IFNA17: variants seen among roughly 807,000 people sequenced by gnomAD.
The protein encoded by IFNA17 is interferon alpha 17, also known as interferon alpha-17.
For synonymous variants in IFNA17, 107 were observed against 80.5 expected, an observed-to-expected ratio of 1.33 and a Z score of -1.76; for missense variants, 285 against 212.7, an observed-to-expected ratio of 1.34 and a Z score of -2.11.
At position 21,227,634 on chromosome 9, in the gene IFNA17, G is replaced by C. The variant is rs1587917593; in HGVS notation, c.540C>G (p.Asn180Lys). The change falls in exon 1 of 1, where the codon AAC (asparagine) becomes AAG (lysine). Residue 180 changes from asparagine (N) to lysine (K), a missense_variant. Coordinates refer to ENST00000413767, the MANE Select transcript of IFNA17 (RefSeq NM_021268.2). Reference protein sequence around the residue: ...EIMRSLSFSTNLQKILRRKD With the variant: ...EIMRSLSFSTKLQKILRRKD ...CCTTCCTCCTTAATATTTTTTGCAA[G>C]TTTGTTGAAAAAGAGAGAGATCTCA... 2.5e-6 allele frequency: 4 copies of C among 1,610,536 alleles called. No homozygotes were observed. Among genetic ancestry groups the C allele is most frequent in the African/African-American group, 2.7e-5 (2 of 74,418 alleles).
chr9:21,227,656 C>G lies in IFNA17; in HGVS notation c.518G>C (p.Arg173Thr), dbSNP rs1361792411. 3 of 1,612,684 alleles carry G rather than the reference C, an allele frequency of 1.9e-6. No homozygotes were observed. Among genetic ancestry groups the G allele is most frequent in the African/African-American group, 2.7e-5 (2 of 74,740 alleles). The part of the protein sequence containing the change: ...AWEVVRAEIM[R>T]SLSFSTNLQK... ...CAAGTTTGTTGAAAAAGAGAGAGATCTCATGATTTCTGCTCTGACAACCTC... is the reference window on the plus strand; with the variant it reads ...CAAGTTTGTTGAAAAAGAGAGAGATGTCATGATTTCTGCTCTGACAACCTC... The change falls in exon 1 of 1, where the codon AGA becomes ACA. Residue 173 changes from arginine to threonine, a missense_variant. Coordinates refer to ENST00000413767, the MANE Select transcript of IFNA17 (RefSeq NM_021268.2).
rs1008924716 is a variant in IFNA17, at chr9:21,227,323, G to A, written c.*281C>T. 9 of 170,652 alleles carry A rather than the reference G, an allele frequency of 5.3e-5. No individual in the cohort carries two copies. Among genetic ancestry groups the A allele is most frequent in the Non-Finnish European group, 1.1e-4 (9 of 79,982 alleles). 10.6% of individuals were successfully genotyped at this position (170,652 alleles called of 1,614,324 possible). A position where few individuals can be genotyped will look rare whatever the true frequency, so the allele number is the denominator to read the frequency against. Reference sequence around the variant, plus strand: ...CATATATTGTTACATTCACCACAATGTAAAGGTACACATGATATTACATAA... The same window carrying A: ...CATATATTGTTACATTCACCACAATATAAAGGTACACATGATATTACATAA... On this transcript the variant is annotated 3_prime_UTR_variant, in exon 1 of 1. Transcript: ENST00000413767.
rs761199201 is a variant in IFNA17, at chr9:21,228,009, G to T, written c.165C>A (p.Asp55Glu). ...CCTGGGGAAGTCCAAAGTCATGTCTGTCCTTCAGGCAGGAGAAAGGAGAGA... is the reference window on the plus strand; with the variant it reads ...CCTGGGGAAGTCCAAAGTCATGTCTTTCCTTCAGGCAGGAGAAAGGAGAGA... ...GRISPFSCLK[D>E]RHDFGLPQEE... is the part of the protein sequence containing the mutation. The change falls in exon 1 of 1, where the codon GAC becomes GAA. Residue 55 changes from aspartate to glutamate, a missense_variant. Transcript: ENST00000413767. 6.2e-7 allele frequency: 1 copy of T among 1,614,106 alleles called. No homozygotes were observed. Among genetic ancestry groups the T allele is most frequent in the South Asian group, 1.1e-5 (1 of 91,082 alleles).
Position 21,227,980 on chromosome 9 carries a change from T to G in IFNA17, c.194A>C (p.Glu65Ala), listed in dbSNP as rs1818651906. ...DRHDFGLPQE[E>A]FDGNQFQKTQ... ...CTTCTGGAACTGGTTGCCATCAAAC[T>G]CCTCCTGGGGAAGTCCAAAGTCATG... The change falls in exon 1 of 1, where the codon GAG becomes GCG. Residue 65 changes from glutamate to alanine, a missense_variant. Physicochemically the swap from Glu to Ala is moderately radical, Grantham distance 107. Transcript: ENST00000413767. 6.2e-7 allele frequency: 1 copy of G among 1,613,936 alleles called. No homozygotes were observed. Among genetic ancestry groups the G allele is most frequent in the Non-Finnish European group, 8.5e-7 (1 of 1,179,960 alleles).
chr9:21,228,211 G>A lies in IFNA17; in HGVS notation c.-38C>T, dbSNP rs76851230. 5 of 1,585,000 alleles carry A rather than the reference G, an allele frequency of 3.2e-6. No homozygotes were observed. The highest frequency in any genetic ancestry group is 1.2e-5 in the South Asian group (1 of 85,692). On this transcript the variant is annotated 5_prime_UTR_variant, in exon 1 of 1. Coordinates refer to ENST00000413767, the MANE Select transcript of IFNA17 (RefSeq NM_021268.2). ...AATGTTGCTAGGCTACTTGAGATGG[G>A]TAACCTTGAACTTTGGCCTCTAGGT...
In IFNA17 at chr9:21,227,879, C is replaced by T. The variant is rs755158044; in HGVS notation, c.295G>A (p.Ala99Thr). 8.1e-6 allele frequency: 13 copies of T among 1,613,646 alleles called. No homozygotes were observed. The highest frequency in any genetic ancestry group is 2.2e-5 in the East Asian group (1 of 44,846). Reference protein sequence around the residue: ...NLFSTEDSSAAWEQSLLEKFS... With the variant: ...NLFSTEDSSATWEQSLLEKFS... The stretch of plus-strand genomic sequence containing the variant: ...TTTTCTAGGAGGCTCTGTTCCCAAG[C>T]AGCAGATGAGTCCTCTGTGCTGAAG... Residue 99 changes from alanine to threonine, a missense_variant, in exon 1 of 1, where the codon GCT becomes ACT. Physicochemically the swap from Ala to Thr is moderately conservative, Grantham distance 58. Transcript: ENST00000413767.
the IFNA17 span, chr9:21,227,835 G>C: frequency 6.2e-7 from 1 of 1,613,654 alleles, no homozygotes; most frequent in Non-Finnish European, 8.5e-7. Context: ...TCAGTTGCTG[G>C]TAAAGTTCAG....
Position 21,227,892 on chromosome 9 carries a change from C to A in IFNA17, c.282G>T (p.Glu94Asp), listed in dbSNP as rs771948512. ...IQQTFNLFST[E>D]DSSAAWEQSL... Reference sequence around the variant, plus strand: ...TCTGTTCCCAAGCAGCAGATGAGTCCTCTGTGCTGAAGAGATTGAAGGTCT... The same window carrying A: ...TCTGTTCCCAAGCAGCAGATGAGTCATCTGTGCTGAAGAGATTGAAGGTCT... The change falls in exon 1 of 1, where the codon GAG (glutamate) becomes GAT (aspartate). Residue 94 changes from glutamate (E) to aspartate (D), a missense_variant. By Grantham distance (45) the Glu-to-Asp change is conservative. Coordinates refer to ENST00000413767, the MANE Select transcript of IFNA17 (RefSeq NM_021268.2). 1.2e-6 allele frequency: 2 copies of A among 1,613,768 alleles called. No individual in the cohort carries two copies. The highest frequency in any genetic ancestry group is 4.5e-5 in the East Asian group (2 of 44,846).
At position 21,227,521 on chromosome 9, in the gene IFNA17, G is replaced by C; in HGVS notation, c.*83C>G. 2 of 1,573,586 alleles carry C rather than the reference G, an allele frequency of 1.3e-6. No homozygotes were observed. On this transcript the variant is annotated 3_prime_UTR_variant, in exon 1 of 1. Transcript: ENST00000413767. ...GATTCAACTCGTGGTGGTTATAGAA[G>C]TGAGTCTTTGAAATGGAGGAACTCA...
chr9:21,228,216 C>G lies in IFNA17; in HGVS notation c.-43G>C. On this transcript the variant is annotated 5_prime_UTR_variant, in exon 1 of 1. Coordinates refer to ENST00000413767, the MANE Select transcript of IFNA17 (RefSeq NM_021268.2). ...TGCTAGGCTACTTGAGATGGGTAAC[C>G]TTGAACTTTGGCCTCTAGGTTTTCT... 1 of 1,575,834 alleles carries G rather than the reference C, an allele frequency of 6.3e-7. No individual in the cohort carries two copies. The highest frequency in any genetic ancestry group is 8.6e-7 in the Non-Finnish European group (1 of 1,162,870).
rs1474267043 is a variant in IFNA17 at position 21,227,446 on chromosome 9, A to G, written c.*158T>C. 15 of 1,042,982 alleles carry G rather than the reference A, an allele frequency of 1.4e-5. No individual in the cohort carries two copies. Among genetic ancestry groups the G allele is most frequent in the Non-Finnish European group, 2.0e-5 (14 of 717,726 alleles). The allele number at this position is 1,042,982 out of a possible 1,614,324, so 64.6% of individuals were successfully genotyped here. On this transcript the variant is annotated 3_prime_UTR_variant, in exon 1 of 1. Coordinates refer to ENST00000413767, the MANE Select transcript of IFNA17 (RefSeq NM_021268.2). The stretch of plus-strand genomic sequence containing the variant: ...TCATCTGTAAAGTACTAGTGCCTGC[A>G]CAGGTATACACGACGCTTCTTTACA...
rs1818643987 is a variant in IFNA17, at chr9:21,227,685, G to A, written c.489C>T (p.Ala163=). 1.2e-6 allele frequency: 2 copies of A among 1,613,924 alleles called. No individual in the cohort carries two copies. Among genetic ancestry groups the A allele is most frequent in the South Asian group, 2.2e-5 (2 of 91,060 alleles). ...TGATTTCTGCTCTGACAACCTCCCAGGCACAAGGGCTGTATTTCTTCTCTG... is the reference window on the plus strand; with the variant it reads ...TGATTTCTGCTCTGACAACCTCCCAAGCACAAGGGCTGTATTTCTTCTCTG... ...YLTEKKYSPC[A]WEVVRAEIMR... The change falls in exon 1 of 1, where the codon GCC becomes GCT. Residue 163 remains alanine (A), a synonymous_variant. Transcript: ENST00000413767.
rs745361920 is a variant in IFNA17, at chr9:21,227,999, A to T, written c.175T>A (p.Phe59Ile). 6 of 1,613,668 alleles carry T rather than the reference A, an allele frequency of 3.7e-6. No individual in the cohort carries two copies. The East Asian group carries it at 1.3e-4, about 36-fold the overall frequency. The change falls in exon 1 of 1, where the codon TTT becomes ATT. Residue 59 changes from phenylalanine to isoleucine, a missense_variant. By Grantham distance (21) the Phe-to-Ile change is conservative. Coordinates refer to ENST00000413767, the MANE Select transcript of IFNA17 (RefSeq NM_021268.2). ...PFSCLKDRHDFGLPQEEFDGN... is the reference protein window; with the variant it reads ...PFSCLKDRHDIGLPQEEFDGN... ...TCAAACTCCTCCTGGGGAAGTCCAA[A>T]GTCATGTCTGTCCTTCAGGCAGGAG...
In IFNA17 at chr9:21,227,832, C is replaced by G; in HGVS notation, c.342G>C (p.Gln114His). The change falls in exon 1 of 1, where the codon CAG (glutamine) becomes CAC (histidine). Residue 114 changes from glutamine (Q) to histidine (H), a missense_variant. Physicochemically the swap from Gln to His is conservative, Grantham distance 24. Coordinates refer to ENST00000413767, the MANE Select transcript of IFNA17 (RefSeq NM_021268.2). ...CACATGCTTCCAGGTTATTCAGTTG[C>G]TGGTAAAGTTCAGTGGAAAATTTTT... is the stretch of plus-strand genomic sequence containing the variant. ...LLEKFSTELY[Q>H]QLNNLEACVI... 6.2e-7 allele frequency: 1 copy of G among 1,613,798 alleles called. No homozygotes were observed. The highest frequency in any genetic ancestry group is 8.5e-7 in the Non-Finnish European group (1 of 1,179,916).
In IFNA17 at chr9:21,227,354, T is replaced by A. The variant is rs1416609490; in HGVS notation, c.*250A>T. ...GTACACATGATATTACATAAAAAAA[T>A]AATTTAAATCTTAAAAATAATTAAA... On this transcript the variant is annotated 3_prime_UTR_variant, in exon 1 of 1. Coordinates refer to ENST00000413767, the MANE Select transcript of IFNA17 (RefSeq NM_021268.2). 1.4e-5 allele frequency: 3 copies of A among 213,660 alleles called. No individual in the cohort carries two copies. The highest frequency in any genetic ancestry group is 2.4e-5 in the African/African-American group (1 of 40,954). 13.2% of individuals were successfully genotyped at this position (213,660 alleles called of 1,614,324 possible).
In IFNA17 at chr9:21,228,116, A is replaced by T; in HGVS notation, c.58T>A (p.Cys20Ser). 2 of 1,614,086 alleles carry T rather than the reference A, an allele frequency of 1.2e-6. No homozygotes were observed. The highest frequency in any genetic ancestry group is 2.7e-5 in the African/African-American group (2 of 75,020). The stretch of plus-strand genomic sequence containing the variant: ...TGAGGCAGATCACAGCCTAGAGAAC[A>T]GATGGATTTGTAGCTGAGCACCAGC... Reference protein sequence around the residue: ...AVLVLSYKSICSLGCDLPQTH... With the variant: ...AVLVLSYKSISSLGCDLPQTH... Residue 20 changes from cysteine to serine, a missense_variant, in exon 1 of 1, where the codon TGT (cysteine) becomes AGT (serine). Physicochemically the swap from Cys to Ser is moderately radical, Grantham distance 112. Coordinates refer to ENST00000413767, the MANE Select transcript of IFNA17 (RefSeq NM_021268.2).
Position 21,227,885 on chromosome 9 carries a change from A to G in IFNA17, c.289T>C (p.Ser97Pro), listed in dbSNP as rs778602005. 9.9e-6 allele frequency: 16 copies of G among 1,613,714 alleles called. No individual in the cohort carries two copies. The East Asian group carries it at 3.1e-4, about 31-fold the overall frequency. ...TFNLFSTEDS[S>P]AAWEQSLLEK... ...AGGAGGCTCTGTTCCCAAGCAGCAG[A>G]TGAGTCCTCTGTGCTGAAGAGATTG... Residue 97 changes from serine (S) to proline (P), a missense_variant, in exon 1 of 1, where the codon TCT becomes CCT. By Grantham distance (74) the Ser-to-Pro change is moderately conservative. Transcript: ENST00000413767.
chr9:21,227,400 T>G lies in IFNA17; in HGVS notation c.*204A>C. On this transcript the variant is annotated 3_prime_UTR_variant, in exon 1 of 1. Transcript: ENST00000413767. ...TTAAATAAATATTTAAATAAATAGA[T>G]GAACAGAGACATCAGCATGGTCATC... is the stretch of plus-strand genomic sequence containing the variant. 2.3e-6 allele frequency: 1 copy of G among 427,468 alleles called. No homozygotes were observed. Among genetic ancestry groups the G allele is most frequent in the East Asian group, 4.0e-5 (1 of 24,956 alleles). The allele number at this position is 427,468 out of a possible 1,614,324, so 26.5% of individuals were successfully genotyped here.
rs141849715 is a variant in IFNA17 at position 21,227,822 on chromosome 9, T to C, written c.352A>G (p.Asn118Asp). ...TCCTGTATCACACATGCTTCCAGGT[T>C]ATTCAGTTGCTGGTAAAGTTCAGTG... Reference protein sequence around the residue: ...FSTELYQQLNNLEACVIQEVG... With the variant: ...FSTELYQQLNDLEACVIQEVG... Residue 118 changes from asparagine (N) to aspartate (D), a missense_variant, in exon 1 of 1, where the codon AAC (asparagine) becomes GAC (aspartate). Transcript: ENST00000413767. 0.013 allele frequency: 20,870 copies of C among 1,610,920 alleles called. 195 individuals carry two copies. The highest frequency in any genetic ancestry group is 0.024 in the African/African-American group (1,780 of 74,168).
Sources: allele counts gnomAD v4.1 joint callset, GRCh38; gene constraint gnomAD v4.1.1; transcripts MANE v1.5; gene names NCBI Gene and HGNC (gene_info 2026-07-23, HGNC 2026-07-21).